Variants in LRRC4C observed in about 807,000 individuals in gnomAD.
The protein encoded by LRRC4C is leucine rich repeat containing 4C.
LRRC4C carries 5 observed loss-of-function variants against 33.6 expected under a neutral mutation model. The ratio of observed to expected loss-of-function variants is 0.15; its 90% confidence interval spans 0.08 to 0.31. The LOEUF is 0.31. Among genes scored for constraint, LRRC4C ranks in the 10% least tolerant of loss-of-function variants. The probability of loss-of-function intolerance (pLI) is 1.00; values close to 1 mark genes in which losing one functional copy is unlikely to be tolerated. For synonymous variants in LRRC4C, 329 were observed against 302.0 expected (o/e 1.09, Z -0.93); for missense variants, 560 against 796.7 (o/e 0.70, Z 3.58).
rs577146185 is a variant in LRRC4C at position 40,391,696 on chromosome 11, C to G, written c.-269-71975G>C. ...TAGCATCACAATTTCCCTGTTTTTA[C>G]CGGTCAAATGTTGATAAGTATTGTA... is the stretch of plus-strand genomic sequence containing the variant. On this transcript the variant is annotated intron_variant, in intron 3 of 6. Transcript: ENST00000528697. Among the ~76,000 whole-genome samples the G allele has an allele frequency of 3.3e-5, 5 of 152,250 alleles. No homozygotes were observed. The East Asian group carries it at 7.7e-4, about 23-fold the overall frequency.
chr11:41,229,934 C>A (rs1947708512), intron 1 of LRRC4C, among the ~76,000 whole-genome samples: 1 of 152,026 alleles, frequency 6.6e-6, no homozygotes, highest in South Asian at 2.1e-4. Flanking sequence ...TAAAATATTT[C>A]TTTCATAATT....
At chr11:40,870,233 A>T (rs1157218861) in intron 2 of LRRC4C, among the ~76,000 whole-genome samples, 1 of 152,150 alleles carries the variant, frequency 6.6e-6, no homozygotes, top group Non-Finnish European at 1.5e-5. Flanking sequence ...TTTCAAAAAA[A>T]TTCCAATTCC....
chr11:41,274,214 G>A (rs1949408037), intron 1 of LRRC4C, among the ~76,000 whole-genome samples: 1 of 152,078 alleles, frequency 6.6e-6, no homozygotes, highest in Non-Finnish European at 1.5e-5. Flanking sequence ...GGGCAGAGGA[G>A]GCACTTCGAG....
At chr11:40,169,990 T>G (rs1421312192) in intron 5 of LRRC4C, among the ~76,000 whole-genome samples, 4 of 152,090 alleles carry the variant, frequency 2.6e-5, no homozygotes, top group Non-Finnish European at 5.9e-5. Context: ...TTCTTTTGAG[T>G]AAAGGGAACA....
intron 1 of LRRC4C, among the ~76,000 whole-genome samples, chr11:41,086,295 T>C (rs1054396323): frequency 6.6e-6 from 1 of 152,188 alleles, no homozygotes; most frequent in Non-Finnish European, 1.5e-5. Flanking sequence ...TATGCTGATA[T>C]AAATCATTGT....
chr11:40,529,071 T>A (rs979723932), intron 3 of LRRC4C, among the ~76,000 whole-genome samples: 7 of 152,142 alleles, frequency 4.6e-5, no homozygotes, highest in African/African-American at 1.7e-4. Flanking sequence ...CTCTGCAGTA[T>A]CATGTTGATA....
intron 5 of LRRC4C, among the ~76,000 whole-genome samples, chr11:40,148,523 G>T (rs895735814): frequency 9.9e-5 from 15 of 152,010 alleles, no homozygotes; most frequent in Non-Finnish European, 1.9e-4. Context: ...TCTTTTAACG[G>T]AGTTATTTGT....
At chr11:40,435,172 T>C (rs900044862) in intron 3 of LRRC4C, among the ~76,000 whole-genome samples, 1 of 152,152 alleles carries the variant, frequency 6.6e-6, no homozygotes, top group African/African-American at 2.4e-5. Context: ...TGTTTATGCT[T>C]TATATTAATG....
At chr11:41,279,381 AACAC>A (rs575973002) in intron 1 of LRRC4C, among the ~76,000 whole-genome samples, 18,282 of 126,212 alleles carry the variant, frequency 0.14, 1,187 homozygotes, top group East Asian at 0.18. Flanking sequence ...CACACACACA[AACAC>A]ACACACACAC....
chr11:40,316,869 C>T (rs1156983396), intron 4 of LRRC4C, among the ~76,000 whole-genome samples: 3 of 151,720 alleles, frequency 2.0e-5, no homozygotes, highest in Non-Finnish European at 4.4e-5. Context: ...TTAGGATAGA[C>T]CCATTGGAGA....
intron 1 of LRRC4C, among the ~76,000 whole-genome samples, chr11:41,129,572 T>C (rs751419028): frequency 3.9e-5 from 6 of 151,962 alleles, no homozygotes; most frequent in Non-Finnish European, 8.8e-5. Context: ...TTCAAATGGA[T>C]TCTTCAATAG....
intron 1 of LRRC4C, among the ~76,000 whole-genome samples, chr11:41,441,061 CTCTT>C (rs979695216): frequency 3.9e-5 from 6 of 152,186 alleles, no homozygotes; most frequent in Non-Finnish European, 7.3e-5. Context: ...AGACAACACT[CTCTT>C]TCTTCTGTTT....
intron 3 of LRRC4C, among the ~76,000 whole-genome samples, chr11:40,561,392 T>C (rs1018909432): frequency 2.7e-5 from 4 of 150,652 alleles, no homozygotes; most frequent in African/African-American, 9.7e-5. Flanking sequence ...ATCTTTATTC[T>C]TTGTTCTGAG....
intron 1 of LRRC4C, among the ~76,000 whole-genome samples, chr11:41,208,106 T>C (rs942909736): frequency 1.3e-5 from 2 of 152,094 alleles, no homozygotes; most frequent in Non-Finnish European, 2.9e-5. Flanking sequence ...GGTAGAAATA[T>C]GAACATTAAA....
chr11:41,153,688 C>T (rs1373814516), intron 1 of LRRC4C, among the ~76,000 whole-genome samples: 1 of 152,036 alleles, frequency 6.6e-6, no homozygotes, highest in Non-Finnish European at 1.5e-5. Context: ...GCACAATAGC[C>T]CCCTTAAACC....
At chr11:40,512,934 A>G (rs577787473) in intron 3 of LRRC4C, among the ~76,000 whole-genome samples, 1 of 152,254 alleles carries the variant, frequency 6.6e-6, no homozygotes, top group South Asian at 2.1e-4. Context: ...AGAGTGGCAG[A>G]CAAATATTTA....
intron 1 of LRRC4C, among the ~76,000 whole-genome samples, chr11:41,396,541 T>G (rs997660885): frequency 6.6e-6 from 1 of 152,044 alleles, no homozygotes; most frequent in Non-Finnish European, 1.5e-5. Flanking sequence ...TTTGCTTCAC[T>G]TAAAATAATC....
intron 3 of LRRC4C, among the ~76,000 whole-genome samples, chr11:40,473,660 A>G (rs1186537262): frequency 2.0e-5 from 3 of 152,144 alleles, no homozygotes; most frequent in Non-Finnish European, 2.9e-5. Context: ...GGGAAATCAA[A>G]TTGTCTCTGT....
intron 5 of LRRC4C, among the ~76,000 whole-genome samples, chr11:40,223,474 G>C (rs1367714555): frequency 6.6e-6 from 1 of 152,092 alleles, no homozygotes; most frequent in Non-Finnish European, 1.5e-5. Flanking sequence ...GAGCATCCAG[G>C]AGCACTGGAC....
Sources: gnomAD v4.1 joint callset for allele counts (sites outside exome capture counted in the v4.1 genomes callset) on GRCh38, gnomAD v4.1.1 for gene constraint, MANE v1.5 for transcripts, NCBI Gene and HGNC (gene_info 2026-07-23, HGNC 2026-07-21) for gene names.